Variants in DDC observed in about 807,000 individuals in gnomAD.
DDC encodes the protein dopa decarboxylase, also known as aromatic-L-amino-acid decarboxylase.
In DDC, 43 loss-of-function variants were observed where a neutral mutation model predicts 60.0. That is an observed-to-expected ratio of 0.72 (90% CI 0.56 to 0.92). DDC has a LOEUF of 0.92. Ranked by LOEUF, DDC falls within the 40% of genes least tolerant of loss-of-function variation. The probability of loss-of-function intolerance (pLI) is 0.00; values close to 1 mark genes in which losing one functional copy is unlikely to be tolerated. For missense variants in DDC, 573 were observed against 620.2 expected, an observed-to-expected ratio of 0.92 and a Z score of 0.81; for synonymous variants, 232 against 234.6, an observed-to-expected ratio of 0.99 and a Z score of 0.10.
At chr7:50,554,868 G>A (rs1270703771) in intron 1 of DDC, among the ~76,000 whole-genome samples, 1 of 152,100 alleles carries the variant, frequency 6.6e-6, no homozygotes, top group Non-Finnish European at 1.5e-5. Flanking sequence ...TCCTCACATG[G>A]GTAAAAAGCA....
At chr7:50,486,490 AT>A (rs1209014525) in intron 9 of DDC, among the ~76,000 whole-genome samples, 3 of 152,222 alleles carry the variant, frequency 2.0e-5, no homozygotes, top group Non-Finnish European at 2.9e-5. Flanking sequence ...GTAGATGATC[AT>A]TAAGATTATG....
intron 5 of DDC, among the ~76,000 whole-genome samples, 167 bp from the exon 6 acceptor site, chr7:50,528,447 A>T (rs1365728870): frequency 1.3e-5 from 2 of 151,808 alleles, no homozygotes; most frequent in Non-Finnish European, 2.9e-5. Flanking sequence ...CCTTCATGAG[A>T]CCCCTTTTTT....
At chr7:50,463,793 A>C (rs2042336992) in intron 13 of DDC, among the ~76,000 whole-genome samples, 1 of 152,184 alleles carries the variant, frequency 6.6e-6, no homozygotes, top group Admixed American at 6.5e-5. Flanking sequence ...AGGAGTCTCT[A>C]AATTCTCACG....
chr7:50,537,749 A>C, intron 4 of DDC, 111 bp downstream of exon 4: 1 of 1,384,546 alleles, frequency 7.2e-7, no homozygotes, highest in Non-Finnish European at 1.0e-6. Context: ...ATTCTCCAGG[A>C]GAAATTTGAG....
chr7:50,491,879 A>T (rs1435891674), intron 9 of DDC, among the ~76,000 whole-genome samples: 2 of 152,176 alleles, frequency 1.3e-5, no homozygotes, highest in Non-Finnish European at 2.9e-5. Context: ...CTTTGGGGAA[A>T]GGCACAAAGC....
chr7:50,522,928 T>G (rs2043938741), intron 6 of DDC, among the ~76,000 whole-genome samples: 1 of 152,128 alleles, frequency 6.6e-6, no homozygotes, highest in South Asian at 2.1e-4. Context: ...GGAGAGGTGC[T>G]ACACACTGTT....
intron 9 of DDC, among the ~76,000 whole-genome samples, chr7:50,481,372 G>A (rs756102380): frequency 6.6e-6 from 1 of 152,096 alleles, no homozygotes; most frequent in Non-Finnish European, 1.5e-5. Flanking sequence ...GTTGTGGGGG[G>A]AGGTCCTTTG....
At chr7:50,500,250 G>C (rs185767422) in intron 7 of DDC, among the ~76,000 whole-genome samples, 1 of 152,038 alleles carries the variant, frequency 6.6e-6, no homozygotes, top group Non-Finnish European at 1.5e-5. Flanking sequence ...ACCATCCATG[G>C]TGCTCATTGT....
Position 50,528,158 on chromosome 7 carries a change from C to A in DDC, c.693G>T (p.Ala231=), listed in dbSNP as rs138287031. The change falls in exon 6 of 15, where the codon GCG becomes GCT. Residue 231 remains alanine (A), a synonymous_variant. Transcript: ENST00000444124. ...ALQEALERDK[A]AGLIPFFMVA... ...TTACAAAGAAAGGAATCAGGCCAGCCGCTTTGTCTCTCTCCAGGGCTTCCT... is the reference window on the plus strand; with the variant it reads ...TTACAAAGAAAGGAATCAGGCCAGCAGCTTTGTCTCTCTCCAGGGCTTCCT... The A allele has an allele frequency of 5.0e-5, 81 of 1,613,180 alleles. No homozygotes were observed. The highest frequency in any genetic ancestry group is 6.9e-5 in the Non-Finnish European group (81 of 1,180,044).
At chr7:50,483,744 T>C (rs1004491618) in intron 9 of DDC, among the ~76,000 whole-genome samples, 1 of 151,736 alleles carries the variant, frequency 6.6e-6, no homozygotes, top group African/African-American at 2.4e-5. Flanking sequence ...CTACTAAAAA[T>C]ACAAAAAAAA....
chr7:50,523,835 T>C (rs575023628), intron 6 of DDC, among the ~76,000 whole-genome samples: 1 of 152,278 alleles, frequency 6.6e-6, no homozygotes, highest in Admixed American at 6.5e-5. Flanking sequence ...CCCAAATGAG[T>C]TGAAAACTTA....
intron 1 of DDC, among the ~76,000 whole-genome samples, chr7:50,556,090 A>T (rs960108542): frequency 2.6e-5 from 4 of 152,224 alleles, no homozygotes; most frequent in Non-Finnish European, 4.4e-5. Flanking sequence ...CTTATAGATC[A>T]TGTTCGTTAC....
intron 13 of DDC, among the ~76,000 whole-genome samples, chr7:50,464,970 C>T (rs532874680): frequency 4.6e-5 from 7 of 152,278 alleles, no homozygotes; most frequent in African/African-American, 1.7e-4. Flanking sequence ...ACTGGAGGCA[C>T]AAGCAAAGTT....
intron 1 of DDC, among the ~76,000 whole-genome samples, chr7:50,551,709 A>T (rs2045001195): frequency 6.6e-6 from 1 of 152,270 alleles, no homozygotes; most frequent in African/African-American, 2.4e-5. Context: ...CGTCTGTTAA[A>T]TGTTTTGCAG....
intron 9 of DDC, chr7:50,492,679 A>T: frequency 9.7e-7 from 1 of 1,035,748 alleles, no homozygotes. Flanking sequence ...TCCTTCTACA[A>T]GGAAATTTTC....
At chr7:50,501,170 CTT>C (rs1314781268) in intron 7 of DDC, among the ~76,000 whole-genome samples, 2 of 152,228 alleles carry the variant, frequency 1.3e-5, no homozygotes, top group East Asian at 3.9e-4. Flanking sequence ...GTCAGTGACT[CTT>C]TCCTTCTGAG....
chr7:50,460,729 C>G (rs182481842), intron 14 of DDC, among the ~76,000 whole-genome samples: 5 of 151,740 alleles, frequency 3.3e-5, no homozygotes, highest in African/African-American at 9.8e-5. Context: ...GCCTCGTGAT[C>G]CTGTTGATCA....
chr7:50,547,215 T>G (rs993179142), intron 1 of DDC, among the ~76,000 whole-genome samples: 1 of 151,984 alleles, frequency 6.6e-6, no homozygotes, highest in East Asian at 1.9e-4. Flanking sequence ...TTTCTTTTTT[T>G]TTTGTTTTTT....
At chr7:50,531,096 C>T (rs2044191537) in intron 4 of DDC, among the ~76,000 whole-genome samples, 1 of 152,118 alleles carries the variant, frequency 6.6e-6, no homozygotes, top group South Asian at 2.1e-4. Context: ...AAAATGGGTA[C>T]TTTATTTCCT....
Sources: gnomAD v4.1 joint callset for allele counts (sites outside exome capture counted in the v4.1 genomes callset) on GRCh38, gnomAD v4.1.1 for gene constraint, MANE v1.5 for transcripts, NCBI Gene and HGNC (gene_info 2026-07-23, HGNC 2026-07-21) for gene names.